Variants in HCK observed in about 807,000 individuals in gnomAD.
HCK encodes the protein HCK proto-oncogene, Src family tyrosine kinase.
Under a neutral mutation model 70.4 loss-of-function variants are expected in HCK, and 40 were observed. That is an observed-to-expected ratio of 0.57 (90% CI 0.44 to 0.74). HCK has a LOEUF of 0.74. HCK is among the 30% of genes least tolerant of loss of function. The pLI, the probability that HCK is intolerant of heterozygous loss-of-function variation, is 0.00. For missense variants in HCK, 568 were observed against 697.2 expected (o/e 0.81, Z 2.09); for synonymous variants, 245 against 263.2 (o/e 0.93, Z 0.67).
At chr20:32,056,065 T>C (rs2045266243) in intron 1 of HCK, among the ~76,000 whole-genome samples, 1 of 152,250 alleles carries the variant, frequency 6.6e-6, no homozygotes, top group South Asian at 2.1e-4. Context: ...ATTTACCCAT[T>C]TATCCACAGA....
At chr20:32,097,448 G>A (rs1232384570) in intron 11 of HCK, among the ~76,000 whole-genome samples, 8 of 152,000 alleles carry the variant, frequency 5.3e-5, no homozygotes, top group Non-Finnish European at 8.8e-5. Flanking sequence ...GCGTGGTGGC[G>A]GGCACCTGTA....
At chr20:32,064,430 A>G (rs902265194) in intron 1 of HCK, among the ~76,000 whole-genome samples, 1 of 152,214 alleles carries the variant, frequency 6.6e-6, no homozygotes, top group Admixed American at 6.5e-5. Flanking sequence ...CCAAAGGAAA[A>G]TTGGAGAACT....
rs201763257 is a variant in HCK at position 32,067,855 on chromosome 20, CA to C, written c.63-3798del. On this transcript the variant is annotated intron_variant, in intron 1 of 12. Coordinates refer to ENST00000375852, the MANE Select transcript of HCK (RefSeq NM_002110.5). ...CACACTGAGATGTGAAGGCTTAGTA[CA>C]AAAAAAAATGTAAAGTATCTCATTC... is the stretch of plus-strand genomic sequence containing the variant. 5.0e-4 allele frequency among the ~76,000 whole-genome samples: 75 copies of C among 148,868 alleles called. 1 individual carries two copies. The highest frequency in any genetic ancestry group is 2.7e-4 in the African/African-American group (11 of 40,646).
Position 32,069,097 on chromosome 20 carries a change from G to A in HCK, c.63-2565G>A, listed in dbSNP as rs181863786. Among the ~76,000 whole-genome samples the A allele has an allele frequency of 2.6e-3, 394 of 152,348 alleles. 3 individuals carry two copies. The highest frequency in any genetic ancestry group is 2.6e-3 in the Non-Finnish European group (175 of 68,028). On this transcript the variant is annotated intron_variant, in intron 1 of 12. Coordinates refer to ENST00000375852, the MANE Select transcript of HCK (RefSeq NM_002110.5). The stretch of plus-strand genomic sequence containing the variant: ...GCTTCATGATCCGGGGCAGTGTCAC[G>A]TCTGCCAGTAAACAGAAATAGTTGT...
intron 1 of HCK, among the ~76,000 whole-genome samples, chr20:32,067,636 G>A (rs1213345614): frequency 2.1e-5 from 3 of 142,952 alleles, no homozygotes; most frequent in African/African-American, 7.7e-5. Context: ...CACTCACTGT[G>A]CATGACACTC....
chr20:32,060,119 C>T (rs968745937), intron 1 of HCK, among the ~76,000 whole-genome samples: 16 of 152,094 alleles, frequency 1.1e-4, no homozygotes, highest in African/African-American at 2.9e-4. Context: ...TTCCACTCAG[C>T]GGCAGCCAAG....
chr20:32,099,977 G>A (rs2046011495), intron 12 of HCK, among the ~76,000 whole-genome samples: 2 of 151,174 alleles, frequency 1.3e-5, no homozygotes, highest in African/African-American at 4.9e-5. Context: ...ATAGCTCATG[G>A]CAGCCTCGAC....
intron 5 of HCK, among the ~76,000 whole-genome samples, chr20:32,078,309 T>G (rs1423639166): frequency 6.6e-6 from 1 of 151,450 alleles, no homozygotes; most frequent in Non-Finnish European, 1.5e-5. Context: ...CCTCCCAAAG[T>G]GCTGGGATTA....
At chr20:32,095,010 C>T (rs2045936321) in intron 11 of HCK, among the ~76,000 whole-genome samples, 1 of 152,124 alleles carries the variant, frequency 6.6e-6, no homozygotes, top group Non-Finnish European at 1.5e-5. Flanking sequence ...TGTAATTGGA[C>T]ATTCATGGCA....
intron 1 of HCK, among the ~76,000 whole-genome samples, chr20:32,061,090 T>C (rs1035264413): frequency 2.0e-5 from 3 of 152,112 alleles, no homozygotes; most frequent in Non-Finnish European, 4.4e-5. Context: ...TTCAAGCAAT[T>C]CTCCTTCCTC....
intron 10 of HCK, 31 bp from the exon 11 acceptor site, chr20:32,093,832 G>A (rs762710921): frequency 6.3e-7 from 1 of 1,595,182 alleles, no homozygotes; most frequent in Non-Finnish European, 8.5e-7. Flanking sequence ...GGCCAGGTCT[G>A]AGGACAAAGG....
chr20:32,054,214 A>AG (rs1456186146), intron 1 of HCK: 1 of 456,512 alleles, frequency 2.2e-6, no homozygotes, highest in Non-Finnish European at 4.4e-6. Context: ...CTCCCTCCCC[A>AG]GGGGCAACCG....
rs150026806 is a variant in HCK at position 32,083,910 on chromosome 20, C to T, written c.549C>T (p.Ser183=). The T allele has an allele frequency of 9.9e-6, 16 of 1,614,056 alleles. No homozygotes were observed. In the African/African-American group the frequency reaches 1.6e-4, roughly 16 times the overall value. ...TCAATTCAGGAAGCTACTCTTTGTC[C>T]GTGCGAGACTACGACCCTCGGCAGG... The change falls in exon 7 of 13, where the codon TCC becomes TCT. Residue 183 remains serine (S), a synonymous_variant. Transcript: ENST00000375852.
chr20:32,073,673 G>T (rs1231122455), intron 3 of HCK, 43 bp from the exon 4 acceptor site: 2 of 1,340,506 alleles, frequency 1.5e-6, no homozygotes, highest in South Asian at 1.3e-5. Context: ...GGCTGTGGAT[G>T]CACTTAGACG....
intron 9 of HCK, 115 bp from the exon 10 acceptor site, chr20:32,088,453 C>A: frequency 3.0e-6 from 2 of 658,992 alleles, no homozygotes; most frequent in Admixed American, 3.4e-5. Context: ...TTTAAATCTA[C>A]TACTATGAAA....
At chr20:32,075,559 C>T (rs1414590885) in intron 5 of HCK, among the ~76,000 whole-genome samples, 1 of 152,154 alleles carries the variant, frequency 6.6e-6, no homozygotes, top group East Asian at 1.9e-4. Context: ...AAGCCCTGTG[C>T]CAGCCTAAGG....
Position 32,101,662 on chromosome 20 carries a change from G to C in HCK, c.*143G>C. ...CCACAGTTTCCTCATCTGTCCAGTGGGTAGGTTGGACTGGAAAATCTCTTT... is the reference window on the plus strand; with the variant it reads ...CCACAGTTTCCTCATCTGTCCAGTGCGTAGGTTGGACTGGAAAATCTCTTT... On this transcript the variant is annotated 3_prime_UTR_variant, in exon 13 of 13. Transcript: ENST00000375852. The C allele has an allele frequency of 1.6e-6, 1 of 610,338 alleles. No homozygotes were observed. The highest frequency in any genetic ancestry group is 2.8e-6 in the Non-Finnish European group (1 of 355,898). The allele number at this position is 610,338 out of a possible 1,614,324, so 37.8% of individuals were successfully genotyped here. A position where few individuals can be genotyped will look rare whatever the true frequency, so the allele number is the denominator to read the frequency against.
chr20:32,061,646 T>C (rs1264018280), intron 1 of HCK, among the ~76,000 whole-genome samples: 2 of 152,140 alleles, frequency 1.3e-5, no homozygotes, highest in Admixed American at 6.5e-5. Context: ...GAAGGTACAA[T>C]CATTAGAGAG....
intron 1 of HCK, among the ~76,000 whole-genome samples, chr20:32,061,044 C>T (rs1344665739): frequency 4.6e-5 from 7 of 151,944 alleles, no homozygotes; most frequent in South Asian, 4.2e-4. Context: ...AGTGCAGTGG[C>T]GCAGTCTTGG....
Sources: gnomAD v4.1 joint callset for allele counts (sites outside exome capture counted in the v4.1 genomes callset) on GRCh38, gnomAD v4.1.1 for gene constraint, MANE v1.5 for transcripts, NCBI Gene and HGNC (gene_info 2026-07-23, HGNC 2026-07-21) for gene names.